ASCC1: variants seen among roughly 807,000 people sequenced by gnomAD.
The protein encoded by ASCC1 is activating signal cointegrator 1 complex subunit 1.
ASCC1 carries 35 observed loss-of-function variants against 46.6 expected under a neutral mutation model. That is an observed-to-expected ratio of 0.75 (90% CI 0.57 to 0.99). ASCC1 has a LOEUF of 0.99. Ranked by LOEUF, ASCC1 falls within the 50% of genes least tolerant of loss-of-function variation. The probability of loss-of-function intolerance (pLI) is 0.00; values close to 1 mark genes in which losing one functional copy is unlikely to be tolerated. For synonymous variants in ASCC1, 143 were observed against 146.6 expected, an observed-to-expected ratio of 0.98 and a Z score of 0.18; for missense variants, 376 against 428.7, an observed-to-expected ratio of 0.88 and a Z score of 1.09.
At chr10:72,210,102 A>G (rs963861579) in intron 3 of ASCC1, among the ~76,000 whole-genome samples, 1 of 151,202 alleles carries the variant, frequency 6.6e-6, no homozygotes, top group Non-Finnish European at 1.5e-5. Context: ...GCCTCCCCAG[A>G]TGCTGGTGCC....
chr10:72,198,469 G>C, intron 4 of ASCC1: 2 of 446,044 alleles, frequency 4.5e-6, no homozygotes, highest in Non-Finnish European at 4.5e-6. Context: ...AGCACTCTGG[G>C]GCAAAGGCCA....
chr10:72,109,948 G>A (rs1204633746), intron 9 of ASCC1, among the ~76,000 whole-genome samples: 1 of 152,226 alleles, frequency 6.6e-6, no homozygotes, highest in Admixed American at 6.5e-5. Flanking sequence ...GATGAGAGGT[G>A]AAAGTTCAAT....
At chr10:72,159,903 C>CTT (rs900754769) in intron 6 of ASCC1, among the ~76,000 whole-genome samples, 72 of 129,920 alleles carry the variant, frequency 5.5e-4, no homozygotes, top group East Asian at 2.2e-3. Flanking sequence ...TACACAGTTT[C>CTT]TTTTTTTTTT....
chr10:72,120,020 T>A (rs1445799975), intron 9 of ASCC1, among the ~76,000 whole-genome samples: 3 of 152,162 alleles, frequency 2.0e-5, no homozygotes, highest in Non-Finnish European at 2.9e-5. Flanking sequence ...GCGGATCACC[T>A]GAGGTCAGGA....
At chr10:72,173,248 T>C (rs1211546228) in intron 5 of ASCC1, among the ~76,000 whole-genome samples, 5 of 152,076 alleles carry the variant, frequency 3.3e-5, no homozygotes, top group Non-Finnish European at 7.4e-5. Flanking sequence ...TCCATTGCTC[T>C]TTCTTCCTTT....
At chr10:72,203,217 C>T (rs1216061667) in intron 4 of ASCC1, among the ~76,000 whole-genome samples, 1 of 144,234 alleles carries the variant, frequency 6.9e-6, no homozygotes, top group Non-Finnish European at 1.5e-5. Flanking sequence ...TTCCGGGAGG[C>T]GGAGGTTGCA....
At chr10:72,116,150 ATTT>A (rs1234278011) in intron 9 of ASCC1, among the ~76,000 whole-genome samples, 2 of 152,220 alleles carry the variant, frequency 1.3e-5, no homozygotes, top group Admixed American at 6.5e-5. Flanking sequence ...TCTTCATAAA[ATTT>A]TTTATTTCAA....
chr10:72,178,696 A>G (rs938881665), intron 5 of ASCC1, among the ~76,000 whole-genome samples: 1 of 152,158 alleles, frequency 6.6e-6, no homozygotes, highest in Non-Finnish European at 1.5e-5. Context: ...AGTACTATGA[A>G]ACTACCAGAG....
At chr10:72,124,951 T>C (rs1050461187) in intron 9 of ASCC1, among the ~76,000 whole-genome samples, 1 of 152,214 alleles carries the variant, frequency 6.6e-6, no homozygotes, top group Non-Finnish European at 1.5e-5. Context: ...TTCAAAGTCT[T>C]TCTTAGGGCA....
chr10:72,150,192 A>C (rs1848160889), intron 7 of ASCC1, among the ~76,000 whole-genome samples: 1 of 152,110 alleles, frequency 6.6e-6, no homozygotes, highest in Non-Finnish European at 1.5e-5. Flanking sequence ...TCTCAAAAAA[A>C]AAAAAGAAAA....
At position 72,182,057 on chromosome 10, in the gene ASCC1, G is replaced by A. The variant is rs527258492; in HGVS notation, c.489+14754C>T. Among the ~76,000 whole-genome samples, 73 of 152,218 alleles carry A rather than the reference G, an allele frequency of 4.8e-4. 1 individual carries two copies. In the South Asian group the frequency reaches 0.015, roughly 31 times the overall value. On this transcript the variant is annotated intron_variant, in intron 5 of 9. Coordinates refer to ENST00000672957, the MANE Select transcript of ASCC1 (RefSeq NM_001198800.3). Reference sequence around the variant, plus strand: ...GAAAAAAAGGAAAGAAAAGACATTCGAGGAAATAATGACTGAAAATTATAC... The same window carrying A: ...GAAAAAAAGGAAAGAAAAGACATTCAAGGAAATAATGACTGAAAATTATAC...
At chr10:72,102,255 G>A (rs1841857904) in intron 9 of ASCC1, 1 of 1,303,004 alleles carries the variant, frequency 7.7e-7, no homozygotes, top group African/African-American at 1.5e-5. Flanking sequence ...GACAGTAACA[G>A]AACATTTTTG....
chr10:72,156,990 C>T (rs1267561994), intron 6 of ASCC1, among the ~76,000 whole-genome samples: 1 of 152,040 alleles, frequency 6.6e-6, no homozygotes, highest in Admixed American at 6.6e-5. Flanking sequence ...CTATTTTAGG[C>T]GGACACTTTT....
At chr10:72,199,797 G>A (rs1363928070) in intron 4 of ASCC1, among the ~76,000 whole-genome samples, 3 of 151,942 alleles carry the variant, frequency 2.0e-5, no homozygotes, top group Admixed American at 6.6e-5. Flanking sequence ...GCACTGGTGC[G>A]ATTGGCTCAC....
intron 7 of ASCC1, among the ~76,000 whole-genome samples, chr10:72,136,905 G>A (rs748462074): frequency 6.6e-6 from 1 of 151,730 alleles, no homozygotes. Flanking sequence ...GAACCCACCG[G>A]CAGGAAGAAA....
At position 72,132,984 on chromosome 10, in the gene ASCC1, A is replaced by C. The variant is rs184912932; in HGVS notation, c.871+73T>G. 2.5e-4 allele frequency: 392 copies of C among 1,597,524 alleles called. No individual in the cohort carries two copies. In the African/African-American group the frequency reaches 4.7e-3, roughly 19 times the overall value. ...TATATCAGAGATTCTTTGATAGCTC[A>C]TTCTACCTAAACCTCAGAGATGCCA... On this transcript the variant is annotated intron_variant, in intron 8 of 9. Coordinates refer to ENST00000672957, the MANE Select transcript of ASCC1 (RefSeq NM_001198800.3).
chr10:72,146,169 G>A (rs550558282), intron 7 of ASCC1, among the ~76,000 whole-genome samples: 4 of 152,274 alleles, frequency 2.6e-5, no homozygotes, highest in African/African-American at 7.2e-5. Context: ...TGCCCTTCCC[G>A]ACAGCCCTGG....
intron 7 of ASCC1, among the ~76,000 whole-genome samples, chr10:72,137,155 AC>A: frequency 6.6e-6 from 1 of 151,952 alleles, no homozygotes; most frequent in African/African-American, 2.4e-5. Flanking sequence ...GCCTCAAGCG[AC>A]CTTCCCTCCT....
At chr10:72,110,827 T>C (rs1423747298) in intron 9 of ASCC1, among the ~76,000 whole-genome samples, 2 of 152,180 alleles carry the variant, frequency 1.3e-5, no homozygotes, top group East Asian at 1.9e-4. Context: ...CATCAGACAA[T>C]GCAAAGAGTA....
Sources: allele counts gnomAD v4.1 joint callset (sites outside exome capture counted in the v4.1 genomes callset), GRCh38; gene constraint gnomAD v4.1.1; transcripts MANE v1.5; gene names NCBI Gene and HGNC (gene_info 2026-07-23, HGNC 2026-07-21).